KMT2A: variants seen among roughly 807,000 people sequenced by gnomAD.
KMT2A encodes lysine methyltransferase 2A.
In KMT2A, 16 loss-of-function variants were observed where a neutral mutation model predicts 345.3. The ratio of observed to expected loss-of-function variants is 0.05; its 90% CI spans 0.03 to 0.07. KMT2A has a LOEUF of 0.07. Among genes scored for constraint, KMT2A ranks in the 10% least tolerant of loss-of-function variants. The pLI is 1.00. For missense variants in KMT2A, 3,272 were observed against 4,841.6 expected (o/e 0.68, Z 9.62); for synonymous variants, 1,599 against 1,778.6 (o/e 0.90, Z 2.54).
Position 118,458,384 on chromosome 11 carries a change from G to T in KMT2A, c.433-10391G>T, listed in dbSNP as rs188456718. ...TTTCAGGTGTGAGCCACCTCGTCCT[G>T]CCCCTATACATTCTTAAAAGTAAGA... On this transcript the variant is annotated intron_variant, in intron 1 of 35. Transcript: ENST00000534358. Among the ~76,000 whole-genome samples the T allele has an allele frequency of 4.7e-4, 71 of 152,268 alleles. No homozygotes were observed. In the East Asian group the frequency reaches 0.012, roughly 25 times the overall value.
At position 118,502,738 on chromosome 11, in the gene KMT2A, C is replaced by T. The variant is rs1555046184; in HGVS notation, c.6846C>T (p.His2282=). ...TTACTGTAGGCAATAAAAACAGTCACTTGGATGGATCTTCATCTTCAGAAA... is the reference window on the plus strand; with the variant it reads ...TTACTGTAGGCAATAAAAACAGTCATTTGGATGGATCTTCATCTTCAGAAA... The part of the protein sequence containing the change: ...TVVTVGNKNS[H]LDGSSSSEMK... Residue 2282 remains histidine (H), a synonymous_variant, in exon 27 of 36, where the codon CAC becomes CAT. Transcript: ENST00000534358. The surrounding 1 kb of genome is among the most constrained non-coding windows in gnomAD (Gnocchi z 4.9). 1.2e-6 allele frequency: 2 copies of T among 1,614,130 alleles called. No individual in the cohort carries two copies. The highest frequency in any genetic ancestry group is 1.7e-6 in the Non-Finnish European group (2 of 1,180,022).
Position 118,490,322 on chromosome 11 carries a change from T to G in KMT2A, c.4696+73T>G. On this transcript the variant is annotated intron_variant, in intron 13 of 35. Transcript: ENST00000534358. This position sits in a 1 kb window ranked among gnomAD's most constrained non-coding sequence, Gnocchi z 4.2. Reference sequence around the variant, plus strand: ...GTTCTGGAGGTGAACTAGACTCTAGTGAAATGAAATAAAAAGTCTCACACA... The same window carrying G: ...GTTCTGGAGGTGAACTAGACTCTAGGGAAATGAAATAAAAAGTCTCACACA... The G allele has an allele frequency of 7.0e-7, 1 of 1,419,118 alleles. No homozygotes were observed. Among genetic ancestry groups the G allele is most frequent in the Non-Finnish European group, 9.3e-7 (1 of 1,072,734 alleles). The allele number at this position is 1,419,118 out of a possible 1,614,324, so 87.9% of individuals were successfully genotyped here.
rs1555047375 is a variant in KMT2A at position 118,504,748 on chromosome 11, A to G, written c.8856A>G (p.Leu2952=). Residue 2952 remains leucine, a synonymous_variant, in exon 27 of 36, where the codon CTA becomes CTG. Transcript: ENST00000534358. The surrounding 1 kb of genome is among the most constrained non-coding windows in gnomAD (Gnocchi z 6.4). ...PTVPSQNPSR[L]AVISDSGEKR... is the part of the protein sequence containing the mutation. ...TCCCCAGCCAGAATCCCAGTAGACT[A>G]GCTGTTATCTCAGACTCAGGGGAGA... 1 of 1,614,072 alleles carries G rather than the reference A, an allele frequency of 6.2e-7. No homozygotes were observed. The highest frequency in any genetic ancestry group is 1.1e-5 in the South Asian group (1 of 91,076).
At position 118,499,335 on chromosome 11, in the gene KMT2A, A is replaced by G; in HGVS notation, c.5994A>G (p.Arg1998=). The change falls in exon 23 of 36, where the codon AGA becomes AGG. Residue 1998 remains arginine (R), a synonymous_variant. Coordinates refer to ENST00000534358, the MANE Select transcript of KMT2A (RefSeq NM_001197104.2). ...VVPENGFEVF[R]RVFVDFEGIS... ...CTGAGAATGGATTTGAAGTTTTCAGAAGAGTGTTTGTGGACTTTGAAGGAA... is the reference window on the plus strand; with the variant it reads ...CTGAGAATGGATTTGAAGTTTTCAGGAGAGTGTTTGTGGACTTTGAAGGAA... 6.2e-7 allele frequency: 1 copy of G among 1,613,830 alleles called. No homozygotes were observed. The highest frequency in any genetic ancestry group is 8.5e-7 in the Non-Finnish European group (1 of 1,179,824).
rs147197118 is a variant in KMT2A, at chr11:118,499,070, T to C, written c.5962-233T>C. On this transcript the variant is annotated intron_variant, in intron 22 of 35. Coordinates refer to ENST00000534358, the MANE Select transcript of KMT2A (RefSeq NM_001197104.2). Reference sequence around the variant, plus strand: ...CTTATTTAGTTGCTTTTTGAATTATTTCGAAATGCAAAAGAAAAACAAAAA... The same window carrying C: ...CTTATTTAGTTGCTTTTTGAATTATCTCGAAATGCAAAAGAAAAACAAAAA... 1.8e-3 allele frequency among the ~76,000 whole-genome samples: 273 copies of C among 152,350 alleles called. 1 individual carries two copies. Among genetic ancestry groups the C allele is most frequent in the African/African-American group, 6.2e-3 (257 of 41,580 alleles).
Position 118,506,628 on chromosome 11 carries a change from C to G in KMT2A, c.10736C>G (p.Ser3579Cys). 6.2e-7 allele frequency: 1 copy of G among 1,603,094 alleles called. No individual in the cohort carries two copies. The highest frequency in any genetic ancestry group is 8.5e-7 in the Non-Finnish European group (1 of 1,173,322). The change falls in exon 27 of 36, where the codon TCC becomes TGC. Residue 3579 changes from serine to cysteine, a missense_variant. Ser to Cys is a moderately radical substitution (Grantham distance 112). Coordinates refer to ENST00000534358, the MANE Select transcript of KMT2A (RefSeq NM_001197104.2). ...EAHIPDQETT[S>C]LTSGTGTPGA... Reference sequence around the variant, plus strand: ...CACATTCCAGACCAAGAAACGACATCCCTGACCTCAGGCACAGGGTGAGAG... The same window carrying G: ...CACATTCCAGACCAAGAAACGACATGCCTGACCTCAGGCACAGGGTGAGAG...
Position 118,480,386 on chromosome 11 carries a change from G to A in KMT2A, c.3634+148G>A, listed in dbSNP as rs9332792. 1,496 of 482,816 alleles carry A rather than the reference G, an allele frequency of 3.1e-3. 32 individuals carry two copies. In the East Asian group the frequency reaches 0.041, roughly 13 times the overall value. 29.9% of individuals were successfully genotyped at this position (482,816 alleles called of 1,614,324 possible). On this transcript the variant is annotated intron_variant, in intron 6 of 35. Coordinates refer to ENST00000534358, the MANE Select transcript of KMT2A (RefSeq NM_001197104.2). ...GTTGAAGCTAGGTAATAGGTACATG[G>A]GGGTTGATTGGACTATTTCCTGTAT...
chr11:118,485,996 C>T (rs138922408), intron 10 of KMT2A, among the ~76,000 whole-genome samples: 2,470 of 152,196 alleles, frequency 0.016, 52 homozygotes, highest in South Asian at 0.084. Flanking sequence ...GGCAGGAGAA[C>T]GGCATGAACC....
rs151193477 is a variant in KMT2A, at chr11:118,473,358, T to C, written c.2199T>C (p.Asn733=). 220 of 1,613,912 alleles carry C rather than the reference T, an allele frequency of 1.4e-4. No homozygotes were observed. Among genetic ancestry groups the C allele is most frequent in the Non-Finnish European group, 1.7e-4 (201 of 1,179,964 alleles). The change falls in exon 3 of 36, where the codon AAT becomes AAC. Residue 733 remains asparagine (N), a synonymous_variant. Coordinates refer to ENST00000534358, the MANE Select transcript of KMT2A (RefSeq NM_001197104.2). This position sits in a 1 kb window ranked among gnomAD's most constrained non-coding sequence, Gnocchi z 5.2. ...GAACATCTTCTTCAGGAGTATCCAA[T>C]AGAAAAAGGAAAAGAAAAGTGTTTA... ...SAGTSSSGVS[N]RKRKRKVFSP... is the part of the protein sequence containing the mutation.
Position 118,476,205 on chromosome 11 carries a change from T to C in KMT2A, c.3157-600T>C, listed in dbSNP as rs1950035531. ...GCAGGCGTGAGCCACCACCTATACT[T>C]TCATTTATAAGTTATTTCACCCCTA... On this transcript the variant is annotated intron_variant, in intron 3 of 35. Transcript: ENST00000534358. The surrounding 1 kb of genome is among the most constrained non-coding windows in gnomAD (Gnocchi z 4.1). 6.6e-6 allele frequency among the ~76,000 whole-genome samples: 1 copy of C among 152,126 alleles called. No individual in the cohort carries two copies. Among genetic ancestry groups the C allele is most frequent in the South Asian group, 2.1e-4 (1 of 4,828 alleles).
chr11:118,489,532 A>G (rs1451760150), intron 11 of KMT2A, among the ~76,000 whole-genome samples: 2 of 152,230 alleles, frequency 1.3e-5, no homozygotes, highest in African/African-American at 4.8e-5. Flanking sequence ...TTTTGGGACT[A>G]TAGCAGAAAA....
chr11:118,523,252 C>T lies in KMT2A; in HGVS notation c.*1080C>T. ...CCTAAGACATGGTTACTTTATTTTC[C>T]CCTTGTTAAGACATAGGAAGACTTA... On this transcript the variant is annotated 3_prime_UTR_variant, in exon 36 of 36. Coordinates refer to ENST00000534358, the MANE Select transcript of KMT2A (RefSeq NM_001197104.2). 4.4e-6 allele frequency: 1 copy of T among 228,880 alleles called. No individual in the cohort carries two copies. The highest frequency in any genetic ancestry group is 8.7e-6 in the Non-Finnish European group (1 of 115,126). The allele number at this position is 228,880 out of a possible 1,614,324, so 14.2% of individuals were successfully genotyped here. A position where few individuals can be genotyped will look rare whatever the true frequency, so the allele number is the denominator to read the frequency against.
In KMT2A at chr11:118,499,366, T is replaced by C. The variant is rs1950462026; in HGVS notation, c.6025T>C (p.Leu2009=). ...GTTTGTGGACTTTGAAGGAATCAGC[T>C]TGAGAAGGAAGTTTCTCAATGGCTT... is the stretch of plus-strand genomic sequence containing the variant. ...RVFVDFEGIS[L]RRKFLNGLEP... is the part of the protein sequence containing the mutation. The change falls in exon 23 of 36, where the codon TTG becomes CTG. Residue 2009 remains leucine (L), a synonymous_variant. Coordinates refer to ENST00000534358, the MANE Select transcript of KMT2A (RefSeq NM_001197104.2). 1.2e-6 allele frequency: 2 copies of C among 1,611,420 alleles called. No individual in the cohort carries two copies. The highest frequency in any genetic ancestry group is 2.7e-5 in the African/African-American group (2 of 72,792).
chr11:118,439,953 C>T (rs967112229), intron 1 of KMT2A, among the ~76,000 whole-genome samples: 6 of 150,244 alleles, frequency 4.0e-5, no homozygotes, highest in African/African-American at 1.5e-4. Flanking sequence ...CATAGCCTTA[C>T]TAATCAATGA....
In KMT2A at chr11:118,522,142, C is replaced by T. The variant is rs201724179; in HGVS notation, c.11889C>T (p.Gly3963=). 1.8e-5 allele frequency: 29 copies of T among 1,614,116 alleles called. No homozygotes were observed. The highest frequency in any genetic ancestry group is 1.0e-4 in the Admixed American group (6 of 60,024). ...DASNKLPCNC[G]AKKCRKFLN is the part of the protein sequence containing the mutation. Reference sequence around the variant, plus strand: ...GCAACAAGCTGCCCTGCAACTGTGGCGCCAAGAAATGCCGGAAGTTCCTAA... The same window carrying T: ...GCAACAAGCTGCCCTGCAACTGTGGTGCCAAGAAATGCCGGAAGTTCCTAA... The change falls in exon 36 of 36, where the codon GGC becomes GGT. Residue 3963 remains glycine (G), a synonymous_variant. Transcript: ENST00000534358. The surrounding 1 kb of genome is among the most constrained non-coding windows in gnomAD (Gnocchi z 5.4).
chr11:118,453,534 C>G (rs1490869195), intron 1 of KMT2A, among the ~76,000 whole-genome samples: 2 of 152,140 alleles, frequency 1.3e-5, no homozygotes, highest in African/African-American at 2.4e-5. Flanking sequence ...CTTTTCACTG[C>G]CTTCTCTGTC....
At chr11:118,479,877 A>G (rs901978788) in intron 5 of KMT2A, among the ~76,000 whole-genome samples, 1 of 152,176 alleles carries the variant, frequency 6.6e-6, no homozygotes, top group East Asian at 1.9e-4. Flanking sequence ...GACTACAAGA[A>G]ATACTGACTG....
chr11:118,479,631 T>G (rs1386899345), intron 5 of KMT2A, among the ~76,000 whole-genome samples: 1 of 152,188 alleles, frequency 6.6e-6, no homozygotes, highest in Non-Finnish European at 1.5e-5. Flanking sequence ...AAGTACATGA[T>G]AGCAAGATAA....
In KMT2A at chr11:118,503,598, G is replaced by C. The variant is rs1854349115; in HGVS notation, c.7706G>C (p.Gly2569Ala). 1 of 1,614,116 alleles carries C rather than the reference G, an allele frequency of 6.2e-7. No homozygotes were observed. The change falls in exon 27 of 36, where the codon GGA becomes GCA. Residue 2569 changes from glycine (G) to alanine (A), a missense_variant. Physicochemically the swap from Gly to Ala is moderately conservative, Grantham distance 60 (BLOSUM62 0). This residue lies in a region of KMT2A where 445 missense variants were observed against 500.9 expected (regional missense o/e 0.89). Transcript: ENST00000534358. This position sits in a 1 kb window ranked among gnomAD's most constrained non-coding sequence, Gnocchi z 5.3. ...TEPISASENP[G>A]DGPVAQPSPN... ...CCAATTTCAGCCTCTGAAAATCCAG[G>C]AGATGGTCCAGTGGCCCAACCAAGC...
Sources: gnomAD v4.1 joint callset for allele counts (sites outside exome capture counted in the v4.1 genomes callset) on GRCh38, gnomAD v4.1.1 for gene constraint, gnomAD v4.1.1 regional missense constraint, Gnocchi (gnomAD v3.1) non-coding constraint, MANE v1.5 for transcripts, NCBI Gene and HGNC (gene_info 2026-07-23, HGNC 2026-07-21) for gene names.